PCDHGA5: variants seen among roughly 807,000 people sequenced by gnomAD.
PCDHGA5 encodes the protein protocadherin gamma-A5.
Under a neutral mutation model 56.7 loss-of-function variants are expected in PCDHGA5, and 36 were observed. The observed-to-expected ratio is 0.64, with a 90% CI of 0.49 to 0.84. The LOEUF is 0.84. Ranked by LOEUF, PCDHGA5 falls within the 40% of genes least tolerant of loss-of-function variation. The pLI, the probability that PCDHGA5 is intolerant of heterozygous loss-of-function variation, is 0.00. For missense variants in PCDHGA5, 1,305 were observed against 1,201.5 expected, an observed-to-expected ratio of 1.09 and a Z score of -1.27; for synonymous variants, 563 against 520.2, an observed-to-expected ratio of 1.08 and a Z score of -1.12.
chr5:141,403,703 G>A (rs747321937), intron 1 of PCDHGA5: 5 of 1,613,946 alleles, frequency 3.1e-6, no homozygotes, highest in Non-Finnish European at 4.2e-6. Context: ...CCGAGTTAAA[G>A]TCCTTGAGAA....
intron 1 of PCDHGA5, chr5:141,409,819 G>A (rs781534809): frequency 1.2e-6 from 2 of 1,610,356 alleles, no homozygotes; most frequent in African/African-American, 2.7e-5. Context: ...ACCACGGCTC[G>A]CCCACGCTCA....
At chr5:141,484,644 A>G (rs1165542601) in intron 1 of PCDHGA5, among the ~76,000 whole-genome samples, 1 of 151,748 alleles carries the variant, frequency 6.6e-6, no homozygotes, top group African/African-American at 2.4e-5. Flanking sequence ...CCACTCTCCA[A>G]TGGCTACTCT....
rs182404532 is a variant in PCDHGA5 at position 141,384,827 on chromosome 5, T to G, written c.2421+18076T>G. ...AGAGATGCCCTCAAGCAGAGCCTCGTGGTGGCCGTCCAGGACCACGGTCAG... is the reference window on the plus strand; with the variant it reads ...AGAGATGCCCTCAAGCAGAGCCTCGGGGTGGCCGTCCAGGACCACGGTCAG... On this transcript the variant is annotated intron_variant, in intron 1 of 3. Coordinates refer to ENST00000518069, the MANE Select transcript of PCDHGA5 (RefSeq NM_018918.3). 8,704 of 1,613,474 alleles carry G rather than the reference T, an allele frequency of 5.4e-3. 36 individuals carry two copies. The highest frequency in any genetic ancestry group is 6.5e-3 in the Non-Finnish European group (7,724 of 1,179,900).
At chr5:141,437,445 T>C (rs187869679) in intron 1 of PCDHGA5, among the ~76,000 whole-genome samples, 1 of 152,348 alleles carries the variant, frequency 6.6e-6, no homozygotes, top group East Asian at 1.9e-4. Flanking sequence ...CATAGGAATG[T>C]TGAGGAGACT....
At position 141,489,662 on chromosome 5, in the gene PCDHGA5, G is replaced by A. The variant is rs2233601; in HGVS notation, c.2422-5145G>A. On this transcript the variant is annotated intron_variant, in intron 1 of 3. Coordinates refer to ENST00000518069, the MANE Select transcript of PCDHGA5 (RefSeq NM_018918.3). This position sits in a 1 kb window ranked among gnomAD's most constrained non-coding sequence, Gnocchi z 4.5. ...TTTGCCACCCCTGAGCGAGAGATGC[G>A]CATCTCAGAATCAGCAGCATCTGGG... The A allele has an allele frequency of 4.0e-4, 649 of 1,614,144 alleles. 2 individuals are homozygous for A. The highest frequency in any genetic ancestry group is 1.5e-3 in the Middle Eastern group (9 of 6,062).
chr5:141,427,568 T>A (rs1260622772), intron 1 of PCDHGA5: 1 of 660,576 alleles, frequency 1.5e-6, no homozygotes, highest in Admixed American at 2.1e-5. Flanking sequence ...AGGGCAAGCC[T>A]CCGCTCTCAT....
At chr5:141,422,758 A>C (rs1237677806) in intron 1 of PCDHGA5, 3 of 1,613,032 alleles carry the variant, frequency 1.9e-6, no homozygotes, top group Non-Finnish European at 2.5e-6. Flanking sequence ...TATTAACTCC[A>C]ACACTGGTGT....
chr5:141,371,657 G>C (rs761215785), intron 1 of PCDHGA5: 5 of 1,613,870 alleles, frequency 3.1e-6, no homozygotes, highest in South Asian at 1.1e-5. Flanking sequence ...ACAATGTGAC[G>C]ATCACAGCTA....
At chr5:141,370,600 T>G in intron 1 of PCDHGA5, 1 of 1,613,984 alleles carries the variant, frequency 6.2e-7, no homozygotes, top group Non-Finnish European at 8.5e-7. Context: ...CTGCGGGTTA[T>G]TGCAGAGAAG....
At position 141,487,339 on chromosome 5, in the gene PCDHGA5, A is replaced by T; in HGVS notation, c.2422-7468A>T. On this transcript the variant is annotated intron_variant, in intron 1 of 3. Coordinates refer to ENST00000518069, the MANE Select transcript of PCDHGA5 (RefSeq NM_018918.3). The surrounding 1 kb of genome is among the most constrained non-coding windows in gnomAD (Gnocchi z 5.0). ...AGTGTCTTCGTGGGGCAGCCTGTGG[A>T]GTCACATGCTTTCCTGCTGGCACCT... The T allele has an allele frequency of 1.9e-6, 3 of 1,614,096 alleles. No individual in the cohort carries two copies. Among genetic ancestry groups the T allele is most frequent in the Non-Finnish European group, 2.5e-6 (3 of 1,180,000 alleles).
At chr5:141,387,844 G>A in intron 1 of PCDHGA5, 1 of 1,597,594 alleles carries the variant, frequency 6.3e-7, no homozygotes, top group South Asian at 1.1e-5. Flanking sequence ...TTGTAACCCG[G>A]CGTCTCCAGG....
At chr5:141,457,532 T>C (rs2098923599) in intron 1 of PCDHGA5, among the ~76,000 whole-genome samples, 1 of 152,058 alleles carries the variant, frequency 6.6e-6, no homozygotes, top group Admixed American at 6.6e-5. Flanking sequence ...GAGACTAGGG[T>C]TTAATGACAA....
chr5:141,451,165 A>G (rs2098709571), intron 1 of PCDHGA5, among the ~76,000 whole-genome samples: 1 of 152,116 alleles, frequency 6.6e-6, no homozygotes, highest in Admixed American at 6.6e-5. Context: ...TTTTGGTAGT[A>G]TATTATTTAG....
At chr5:141,393,228 G>C (rs753113857) in intron 1 of PCDHGA5, 2 of 1,613,720 alleles carry the variant, frequency 1.2e-6, no homozygotes, top group East Asian at 2.2e-5. Context: ...CGAAGATCTA[G>C]AAGTAAAAAT....
chr5:141,485,676 G>A lies in PCDHGA5; in HGVS notation c.2422-9131G>A. The A allele has an allele frequency of 6.2e-7, 1 of 1,612,928 alleles. No individual in the cohort carries two copies. The highest frequency in any genetic ancestry group is 2.2e-5 in the East Asian group (1 of 44,848). On this transcript the variant is annotated intron_variant, in intron 1 of 3. Coordinates refer to ENST00000518069, the MANE Select transcript of PCDHGA5 (RefSeq NM_018918.3). This position sits in a 1 kb window ranked among gnomAD's most constrained non-coding sequence, Gnocchi z 5.7. ...GCAGATGTGGGGAGCAATTCGATTA[G>A]CAGCTATAGGCTGAGCTCCAATGAA...
At chr5:141,409,133 G>A in intron 1 of PCDHGA5, 1 of 1,614,002 alleles carries the variant, frequency 6.2e-7, no homozygotes, top group Non-Finnish European at 8.5e-7. Flanking sequence ...TGATTTTGAA[G>A]ATGTAGAAAG....
At chr5:141,398,949 C>G in intron 1 of PCDHGA5, 1 of 1,613,948 alleles carries the variant, frequency 6.2e-7, no homozygotes, top group Non-Finnish European at 8.5e-7. Context: ...AGGGCATCAA[C>G]TCAGAAATTA....
intron 1 of PCDHGA5, among the ~76,000 whole-genome samples, chr5:141,429,654 T>C (rs1373502548): frequency 6.6e-6 from 1 of 152,232 alleles, no homozygotes; most frequent in Non-Finnish European, 1.5e-5. Context: ...TTCTTCCCAA[T>C]TTAAAATATA....
chr5:141,394,521 G>A (rs761808641), intron 1 of PCDHGA5: 5 of 1,614,212 alleles, frequency 3.1e-6, no homozygotes, highest in Non-Finnish European at 4.2e-6. Flanking sequence ...CCTCCCCACA[G>A]ACGGTTCCAC....
Sources: allele counts gnomAD v4.1 joint callset (sites outside exome capture counted in the v4.1 genomes callset), GRCh38; gene constraint gnomAD v4.1.1; non-coding constraint Gnocchi (gnomAD v3.1); transcripts MANE v1.5; gene names NCBI Gene and HGNC (gene_info 2026-07-23, HGNC 2026-07-21).